Variants in CAMKMT observed in about 807,000 individuals in gnomAD.
CAMKMT encodes the protein CaM KMT.
CAMKMT carries 53 observed loss-of-function variants against 48.0 expected under a neutral mutation model. The observed-to-expected ratio is 1.10, with a 90% CI of 0.89 to 1.39. CAMKMT has a LOEUF of 1.39. CAMKMT is among the 40% of genes most tolerant of loss of function. The pLI is 0.00. For missense variants in CAMKMT, 428 were observed against 402.7 expected (o/e 1.06, Z -0.54); for synonymous variants, 165 against 152.3 (o/e 1.08, Z -0.61).
At chr2:44,720,250 TA>T (rs1474832458) in intron 7 of CAMKMT, among the ~76,000 whole-genome samples, 1 of 152,196 alleles carries the variant, frequency 6.6e-6, no homozygotes, top group Non-Finnish European at 1.5e-5. Context: ...TACAGTCAAT[TA>T]AAAATTAAGG....
intron 7 of CAMKMT, among the ~76,000 whole-genome samples, chr2:44,723,203 C>T (rs920271043): frequency 6.6e-5 from 10 of 152,144 alleles, no homozygotes; most frequent in East Asian, 1.9e-4. Flanking sequence ...GTAACTCTGA[C>T]GCCTGGTCTG....
intron 3 of CAMKMT, among the ~76,000 whole-genome samples, chr2:44,514,632 C>T (rs1670744114): frequency 6.6e-6 from 1 of 152,152 alleles, no homozygotes; most frequent in South Asian, 2.1e-4. Context: ...ATTGTAAATG[C>T]CCTGAGAGCA....
intron 3 of CAMKMT, among the ~76,000 whole-genome samples, chr2:44,518,063 T>C (rs1285613691): frequency 6.6e-6 from 1 of 152,112 alleles, no homozygotes; most frequent in Non-Finnish European, 1.5e-5. Context: ...GGGGCGGGGA[T>C]AGTGTGGGGA....
chr2:44,362,154 G>T lies in CAMKMT; in HGVS notation c.138+9G>T. ...GGAAGCTCCTGCGGCAGGTAAGGGA[G>T]AACCTGCTCGCCTCACCTTTGCCTC... is the stretch of plus-strand genomic sequence containing the variant. On this transcript the variant is annotated intron_variant, in intron 1 of 10. Coordinates refer to ENST00000378494, the MANE Select transcript of CAMKMT (RefSeq NM_024766.5). 1 of 1,462,620 alleles carries T rather than the reference G, an allele frequency of 6.8e-7. No homozygotes were observed. The highest frequency in any genetic ancestry group is 8.9e-7 in the Non-Finnish European group (1 of 1,119,720). 90.6% of individuals were successfully genotyped at this position (1,462,620 alleles called of 1,614,324 possible). A position where few individuals can be genotyped will look rare whatever the true frequency, so the allele number is the denominator to read the frequency against.
intron 7 of CAMKMT, among the ~76,000 whole-genome samples, chr2:44,724,487 A>T (rs969762403): frequency 2.6e-5 from 4 of 152,202 alleles, no homozygotes; most frequent in Non-Finnish European, 5.9e-5. Flanking sequence ...GAACAATCTG[A>T]CAGTTGAATC....
At chr2:44,489,054 A>G (rs1669354612) in intron 3 of CAMKMT, among the ~76,000 whole-genome samples, 2 of 151,980 alleles carry the variant, frequency 1.3e-5, no homozygotes, top group Non-Finnish European at 2.9e-5. Context: ...TGTTTTAGAA[A>G]TGGAGTCTAG....
At chr2:44,655,557 G>A (rs1674332802) in intron 3 of CAMKMT, among the ~76,000 whole-genome samples, 1 of 152,176 alleles carries the variant, frequency 6.6e-6, no homozygotes, top group South Asian at 2.1e-4. Context: ...CATTACAGGT[G>A]CTTTTCAACC....
intron 3 of CAMKMT, among the ~76,000 whole-genome samples, chr2:44,447,887 G>A (rs1191768954): frequency 6.6e-6 from 1 of 152,152 alleles, no homozygotes; most frequent in Non-Finnish European, 1.5e-5. Context: ...ATTGGTCCCT[G>A]TCTGGCCACT....
At chr2:44,625,005 A>C (rs62132318) in intron 3 of CAMKMT, among the ~76,000 whole-genome samples, 18,734 of 152,152 alleles carry the variant, frequency 0.12, 1,338 homozygotes, top group Admixed American at 0.22. Context: ...CTGACTTTCT[A>C]ATGATTGCCG....
At chr2:44,555,706 G>T (rs1667969885) in intron 3 of CAMKMT, among the ~76,000 whole-genome samples, 1 of 152,178 alleles carries the variant, frequency 6.6e-6, no homozygotes. Flanking sequence ...TCACTAATTT[G>T]AGGACTGGGT....
At chr2:44,478,781 A>G (rs574184769) in intron 3 of CAMKMT, among the ~76,000 whole-genome samples, 75 of 150,458 alleles carry the variant, frequency 5.0e-4, no homozygotes, top group Non-Finnish European at 8.0e-4. Context: ...GCTCACTGCA[A>G]GCTCCACCTT....
chr2:44,673,184 G>T (rs1313809911), intron 3 of CAMKMT, among the ~76,000 whole-genome samples: 2 of 152,150 alleles, frequency 1.3e-5, no homozygotes, highest in Non-Finnish European at 2.9e-5. Flanking sequence ...CCAGCATTTT[G>T]GGAGGCTGAG....
chr2:44,442,118 C>G (rs559465297), intron 3 of CAMKMT, among the ~76,000 whole-genome samples: 2 of 152,250 alleles, frequency 1.3e-5, no homozygotes, highest in South Asian at 2.1e-4. Flanking sequence ...GCAGCAGAGT[C>G]TGGCCCAAAT....
At chr2:44,617,044 G>A (rs1383681860) in intron 3 of CAMKMT, among the ~76,000 whole-genome samples, 2 of 152,172 alleles carry the variant, frequency 1.3e-5, no homozygotes, top group Non-Finnish European at 2.9e-5. Flanking sequence ...TGTCCTACGT[G>A]ATAGTGCCGT....
chr2:44,552,799 C>T (rs1314229694), intron 3 of CAMKMT, among the ~76,000 whole-genome samples: 2 of 152,290 alleles, frequency 1.3e-5, no homozygotes, highest in African/African-American at 4.8e-5. Flanking sequence ...TCAAGCTAGC[C>T]TCTTACCATT....
chr2:44,765,587 G>A (rs1680807592), intron 9 of CAMKMT, among the ~76,000 whole-genome samples: 1 of 151,614 alleles, frequency 6.6e-6, no homozygotes, highest in African/African-American at 2.4e-5. Context: ...CTGAGAGGGA[G>A]GAAAAATCCG....
intron 3 of CAMKMT, among the ~76,000 whole-genome samples, chr2:44,486,459 A>G (rs1669222977): frequency 6.6e-6 from 1 of 152,184 alleles, no homozygotes; most frequent in Non-Finnish European, 1.5e-5. Flanking sequence ...TGGAATGTGG[A>G]TAAGAAGCTC....
chr2:44,588,300 G>A (rs1290587000), intron 3 of CAMKMT, among the ~76,000 whole-genome samples: 2 of 64,618 alleles, frequency 3.1e-5, no homozygotes, highest in African/African-American at 1.4e-4. Context: ...CCGTCCGGGA[G>A]GGAGGGGGGG....
At chr2:44,695,237 C>T (rs1043702694) in intron 3 of CAMKMT, among the ~76,000 whole-genome samples, 1 of 152,030 alleles carries the variant, frequency 6.6e-6, no homozygotes, top group Non-Finnish European at 1.5e-5. Flanking sequence ...TTGCATGTCA[C>T]GGAGGTCTGG....
Sources: allele counts gnomAD v4.1 joint callset (sites outside exome capture counted in the v4.1 genomes callset), GRCh38; gene constraint gnomAD v4.1.1; transcripts MANE v1.5; gene names NCBI Gene and HGNC (gene_info 2026-07-23, HGNC 2026-07-21).